Variants in XXYLT1 observed in about 807,000 individuals in gnomAD.
XXYLT1 encodes UDP-xylose:alpha-xyloside alpha-1,3-xylosyltransferase.
In XXYLT1, 20 loss-of-function variants were observed where a neutral mutation model predicts 28.9. The observed-to-expected ratio is 0.69, with a 90% CI of 0.49 to 1.00. XXYLT1 has a LOEUF of 1.00. XXYLT1 is among the 50% of genes least tolerant of loss of function. XXYLT1 has a pLI of 0.00. For missense variants in XXYLT1, 542 were observed against 560.1 expected (o/e 0.97, Z 0.33); for synonymous variants, 257 against 253.8 (o/e 1.01, Z -0.12).
chr3:195,193,828 A>G (rs575568179), intron 2 of XXYLT1, among the ~76,000 whole-genome samples: 3 of 152,322 alleles, frequency 2.0e-5, no homozygotes, highest in African/African-American at 7.2e-5. Flanking sequence ...AGTCAATTAG[A>G]TATACAAATG....
At chr3:195,202,422 A>G (rs928167070) in intron 2 of XXYLT1, among the ~76,000 whole-genome samples, 2 of 151,970 alleles carry the variant, frequency 1.3e-5, no homozygotes, top group African/African-American at 2.4e-5. Flanking sequence ...AAAAAAAAAA[A>G]ACTGACAGTA....
intron 3 of XXYLT1, among the ~76,000 whole-genome samples, chr3:195,099,543 T>C (rs1716648638): frequency 6.6e-6 from 1 of 152,128 alleles, no homozygotes; most frequent in Non-Finnish European, 1.5e-5. Flanking sequence ...TTAAATGCAG[T>C]AACTGGGCTG....
intron 2 of XXYLT1, among the ~76,000 whole-genome samples, chr3:195,190,954 C>T (rs6437462): frequency 0.99 from 149,989 of 152,252 alleles, 73,891 homozygotes; most frequent in East Asian, 1. Flanking sequence ...TTATTTAACA[C>T]AAAAGAAGGC....
chr3:195,082,516 C>A (rs1715491168), intron 3 of XXYLT1, among the ~76,000 whole-genome samples: 1 of 152,280 alleles, frequency 6.6e-6, no homozygotes, highest in South Asian at 2.1e-4. Context: ...ACACACGGAA[C>A]CTCGTGGGAG....
intron 1 of XXYLT1, among the ~76,000 whole-genome samples, chr3:195,230,282 T>C (rs1183586618): frequency 2.6e-5 from 4 of 152,256 alleles, no homozygotes; most frequent in African/African-American, 9.6e-5. Flanking sequence ...ATCTGGTTAT[T>C]AATCCCTTGT....
In XXYLT1 at chr3:195,103,342, ACCTGCGTCCATCACCCCACGCCAGCGG is replaced by A. The variant is rs1553802420; in HGVS notation, c.786-33258_786-33232del. Reference sequence around the variant, plus strand: ...CTGCGTCCATCACCCCACGCCAGCGACCTGCGTCCATCACCCCACGCCAGCGGCCTGCGTCCATCACCCCACGCCAGC... The same window carrying A: ...CTGCGTCCATCACCCCACGCCAGCGACCTGCGTCCATCACCCCACGCCAGC... On this transcript the variant is annotated intron_variant, in intron 3 of 3. Transcript: ENST00000310380. Among the ~76,000 whole-genome samples the A allele has an allele frequency of 8.7e-4, 42 of 48,112 alleles. 1 individual carries two copies. Among genetic ancestry groups the A allele is most frequent in the East Asian group, 2.5e-3 (4 of 1,628 alleles). 31.6% of individuals were successfully genotyped at this position (48,112 alleles called of 152,430 possible). A position where few individuals can be genotyped will look rare whatever the true frequency, so the allele number is the denominator to read the frequency against.
chr3:195,069,683 T>A lies in XXYLT1; in HGVS notation c.*32A>T, dbSNP rs762270495. 6.3e-7 allele frequency: 1 copy of A among 1,583,540 alleles called. No individual in the cohort carries two copies. Among genetic ancestry groups the A allele is most frequent in the South Asian group, 1.2e-5 (1 of 86,380 alleles). On this transcript the variant is annotated 3_prime_UTR_variant, in exon 4 of 4. Coordinates refer to ENST00000310380, the MANE Select transcript of XXYLT1 (RefSeq NM_152531.5). ...AGGAACCCTGTCCTTCCCCCAGATC[T>A]GGAGGCCCCGGGGGCAAGGCACGGG... is the stretch of plus-strand genomic sequence containing the variant.
chr3:195,146,448 G>A (rs1719853953), intron 3 of XXYLT1, among the ~76,000 whole-genome samples: 1 of 152,240 alleles, frequency 6.6e-6, no homozygotes, highest in Non-Finnish European at 1.5e-5. Context: ...TGCCTCCACT[G>A]TAGCCCTGTC....
At chr3:195,252,567 C>T (rs1466635668) in intron 1 of XXYLT1, among the ~76,000 whole-genome samples, 1 of 151,894 alleles carries the variant, frequency 6.6e-6, no homozygotes, top group Non-Finnish European at 1.5e-5. Flanking sequence ...CACTGAGGAG[C>T]AGCCCTGATA....
chr3:195,162,209 A>G (rs921263857), intron 2 of XXYLT1, among the ~76,000 whole-genome samples: 1 of 152,122 alleles, frequency 6.6e-6, no homozygotes, highest in Non-Finnish European at 1.5e-5. Context: ...GTTGGGCTCG[A>G]CAGCCTGGTG....
intron 2 of XXYLT1, among the ~76,000 whole-genome samples, chr3:195,171,712 G>A (rs983276451): frequency 2.0e-5 from 3 of 152,202 alleles, no homozygotes; most frequent in African/African-American, 4.8e-5. Context: ...AAAACAGGTC[G>A]CTTCCCCACA....
chr3:195,107,820 G>C (rs1388801834), intron 3 of XXYLT1, among the ~76,000 whole-genome samples: 2 of 151,926 alleles, frequency 1.3e-5, no homozygotes, highest in African/African-American at 4.8e-5. Context: ...ACTTGGTAGA[G>C]ACACCACCTC....
At chr3:195,141,595 A>C (rs1036307238) in intron 3 of XXYLT1, among the ~76,000 whole-genome samples, 2 of 152,220 alleles carry the variant, frequency 1.3e-5, no homozygotes, top group African/African-American at 4.8e-5. Context: ...GTTTATGCCA[A>C]AATGAGGCCA....
intron 1 of XXYLT1, among the ~76,000 whole-genome samples, chr3:195,246,188 C>G (rs994347964): frequency 6.6e-6 from 1 of 152,178 alleles, no homozygotes; most frequent in Non-Finnish European, 1.5e-5. Context: ...TTCAAAATCT[C>G]AATTTGCTTT....
intron 3 of XXYLT1, among the ~76,000 whole-genome samples, chr3:195,103,399 T>C (rs1276273959): frequency 6.6e-6 from 1 of 150,484 alleles, no homozygotes; most frequent in African/African-American, 2.5e-5. Flanking sequence ...GCCAGCGGCC[T>C]GCGTCCATCA....
chr3:195,223,820 C>T (rs1432610495), intron 2 of XXYLT1, among the ~76,000 whole-genome samples: 2 of 152,142 alleles, frequency 1.3e-5, no homozygotes, highest in Non-Finnish European at 2.9e-5. Flanking sequence ...TTTAGTAACT[C>T]CTAATAACTG....
intron 3 of XXYLT1, among the ~76,000 whole-genome samples, chr3:195,108,461 G>A (rs1382448003): frequency 6.6e-6 from 1 of 152,198 alleles, no homozygotes; most frequent in Admixed American, 6.5e-5. Context: ...AAAAAATCTG[G>A]AAAACTTTAC....
intron 2 of XXYLT1, among the ~76,000 whole-genome samples, chr3:195,179,463 C>T (rs1721840392): frequency 6.6e-6 from 1 of 151,942 alleles, no homozygotes; most frequent in Non-Finnish European, 1.5e-5. Context: ...CTGCAGTGTT[C>T]AATACTCTGA....
chr3:195,171,137 CT>C (rs1266131191), intron 2 of XXYLT1, among the ~76,000 whole-genome samples: 1 of 152,226 alleles, frequency 6.6e-6, no homozygotes, highest in Non-Finnish European at 1.5e-5. Flanking sequence ...GGGCTTCCCT[CT>C]GAGTTAACAG....
Sources: allele counts gnomAD v4.1 joint callset (sites outside exome capture counted in the v4.1 genomes callset), GRCh38; gene constraint gnomAD v4.1.1; transcripts MANE v1.5; gene names NCBI Gene and HGNC (gene_info 2026-07-23, HGNC 2026-07-21).